The following NKIRAS2 variants were observed in gnomAD, a reference collection of about 807,000 sequenced individuals.
NKIRAS2 encodes the protein NF-kappa-B inhibitor-interacting Ras-like protein 2.
NKIRAS2 carries 15 observed loss-of-function variants against 20.7 expected under a neutral mutation model. The observed-to-expected ratio is 0.73, with a 90% CI of 0.49 to 1.12. NKIRAS2 has a LOEUF of 1.12. Among genes scored for constraint, NKIRAS2 ranks in the 50% most tolerant of loss-of-function variants. The pLI is 0.00. For missense variants in NKIRAS2, 196 were observed against 249.6 expected, an observed-to-expected ratio of 0.79 and a Z score of 1.45; for synonymous variants, 116 against 101.4, an observed-to-expected ratio of 1.14 and a Z score of -0.87.
At position 42,022,698 on chromosome 17, in the gene NKIRAS2, C is replaced by T. The variant is rs1335423632; in HGVS notation, c.336+58C>T. 3 of 1,563,416 alleles carry T rather than the reference C, an allele frequency of 1.9e-6. No homozygotes were observed. In the Admixed American group the frequency reaches 5.3e-5, roughly 27 times the overall value. On this transcript the variant is annotated intron_variant, in intron 3 of 3. Coordinates refer to ENST00000393885, the MANE Select transcript of NKIRAS2 (RefSeq NM_017595.6). The stretch of plus-strand genomic sequence containing the variant: ...GTGGTCAGAGAGTTTGGGCGGAGGG[C>T]TGGTTTGGGAAGCCTGGCATGGCTC...
rs2052511517 is a variant in NKIRAS2, at chr17:42,023,690, C to G, written c.373C>G (p.Gln125Glu). 1.9e-6 allele frequency: 3 copies of G among 1,614,208 alleles called. No individual in the cohort carries two copies. The highest frequency in any genetic ancestry group is 2.2e-5 in the South Asian group (2 of 91,086). ...IVVLGNKCDLQEQRRVDPDVA... is the reference protein window; with the variant it reads ...IVVLGNKCDLEEQRRVDPDVA... ...GGTCCTTGGCAACAAGTGTGACTTA[C>G]AGGAGCAGCGGCGTGTAGACCCAGA... Residue 125 changes from glutamine (Q) to glutamate (E), a missense_variant, in exon 4 of 4, where the codon CAG (glutamine) becomes GAG (glutamate). Coordinates refer to ENST00000393885, the MANE Select transcript of NKIRAS2 (RefSeq NM_017595.6).
At chr17:42,022,248 A>G in intron 2 of NKIRAS2, 151 bp from the exon 3 acceptor site, 1 of 777,168 alleles carries the variant, frequency 1.3e-6, no homozygotes, top group Non-Finnish European at 2.0e-6. Context: ...CCCTAAACCC[A>G]AATCATTTCA....
chr17:42,019,757 G>T (rs928096735), upstream of NKIRAS2, among the ~76,000 whole-genome samples: 1 of 152,208 alleles, frequency 6.6e-6, no homozygotes, highest in Admixed American at 6.5e-5. Context: ...TGTCTAACTC[G>T]TCCACTTTCT....
upstream of NKIRAS2, among the ~76,000 whole-genome samples, chr17:42,019,089 G>T (rs782128975): frequency 2.0e-5 from 3 of 152,036 alleles, no homozygotes; most frequent in African/African-American, 7.2e-5. Flanking sequence ...TTTCCATCCC[G>T]ATTCAGGCGC....
chr17:42,021,588 G>A lies in NKIRAS2; in HGVS notation c.11G>A (p.Ser4Asn). ...GGTTGAAAACTAAGCATGGGGAAGA[G>A]CTGCAAGGTGGTCGTGTGTGGCCAG... MGKSCKVVVCGQAS... is the reference protein window; with the variant it reads MGKNCKVVVCGQAS... Residue 4 changes from serine to asparagine, a missense_variant, in exon 2 of 4, where the codon AGC becomes AAC. Physicochemically the swap from Ser to Asn is conservative, Grantham distance 46. Transcript: ENST00000393885. 4 of 1,614,170 alleles carry A rather than the reference G, an allele frequency of 2.5e-6. No homozygotes were observed. Among genetic ancestry groups the A allele is most frequent in the Non-Finnish European group, 2.5e-6 (3 of 1,180,024 alleles).
rs2052553900 is a variant in NKIRAS2 at position 42,025,442 on chromosome 17, G to A, written c.*1549G>A. ...TTACCCACAACTGTGCCCGCTTTGTGCTTCTAAGGTGCACACCTAGCCTAG... is the reference window on the plus strand; with the variant it reads ...TTACCCACAACTGTGCCCGCTTTGTACTTCTAAGGTGCACACCTAGCCTAG... On this transcript the variant is annotated 3_prime_UTR_variant, in exon 4 of 4. Transcript: ENST00000393885. The A allele has an allele frequency of 6.6e-6, 1 of 152,524 alleles. No individual in the cohort carries two copies. The highest frequency in any genetic ancestry group is 1.5e-5 in the Non-Finnish European group (1 of 68,044). The allele number at this position is 152,524 out of a possible 1,614,324, so 9.4% of individuals were successfully genotyped here. A position where few individuals can be genotyped will look rare whatever the true frequency, so the allele number is the denominator to read the frequency against.
intron 3 of NKIRAS2, 76 bp from the exon 4 acceptor site, chr17:42,023,578 G>T: frequency 7.3e-7 from 1 of 1,372,756 alleles, no homozygotes. Context: ...AGAACTCCTA[G>T]GTGGTTGCCA....
upstream of NKIRAS2, among the ~76,000 whole-genome samples, chr17:42,017,942 G>A (rs11079029): frequency 0.77 from 116,452 of 151,902 alleles, 45,577 homozygotes; most frequent in East Asian, 0.86. Context: ...GCCCTGCCCA[G>A]TCAAGCCAGG....
Position 42,021,634 on chromosome 17 carries a change from A to G in NKIRAS2, c.57A>G (p.Ser19=). Residue 19 remains serine (S), a synonymous_variant, in exon 2 of 4, where the codon TCA becomes TCG. Coordinates refer to ENST00000393885, the MANE Select transcript of NKIRAS2 (RefSeq NM_017595.6). ...VCGQASVGKT[S]ILEQLLYGNH... is the part of the protein sequence containing the mutation. ...GCCAGGCGTCTGTGGGCAAAACTTC[A>G]ATCCTGGAGCAGCTTCTGTATGGGA... 6.2e-7 allele frequency: 1 copy of G among 1,614,132 alleles called. No individual in the cohort carries two copies. Among genetic ancestry groups the G allele is most frequent in the Non-Finnish European group, 8.5e-7 (1 of 1,180,002 alleles).
intron 3 of NKIRAS2, 47 bp from the exon 4 acceptor site, chr17:42,023,607 G>A (rs2052509070): frequency 6.4e-7 from 1 of 1,574,014 alleles, no homozygotes; most frequent in African/African-American, 1.3e-5. Flanking sequence ...GTCCATTCCT[G>A]GTTCTATGGT....
At position 42,023,944 on chromosome 17, in the gene NKIRAS2, C is replaced by T. The variant is rs371465267; in HGVS notation, c.*51C>T. 1.1e-5 allele frequency: 18 copies of T among 1,596,778 alleles called. No homozygotes were observed. In the African/African-American group the frequency reaches 2.0e-4, roughly 18 times the overall value. The stretch of plus-strand genomic sequence containing the variant: ...CCCAGCCCCATTTCAGTGTCTGGGG[C>T]TCTGGTAGATGTGTTGAGGGCAAAG... On this transcript the variant is annotated 3_prime_UTR_variant, in exon 4 of 4. Coordinates refer to ENST00000393885, the MANE Select transcript of NKIRAS2 (RefSeq NM_017595.6).
At position 42,022,500 on chromosome 17, in the gene NKIRAS2, C is replaced by T. The variant is rs150261846; in HGVS notation, c.196C>T (p.Arg66Ter). The change falls in exon 3 of 4, where the codon CGA becomes TGA. Residue 66 changes from arginine (R) to a stop codon, truncating the protein, a stop_gained. Coordinates refer to ENST00000393885, the MANE Select transcript of NKIRAS2 (RefSeq NM_017595.6). LOFTEE classifies it high-confidence loss of function. Reference protein sequence around the residue: ...QVRFYDTRGLRDGAELPRHCF... With the variant: ...QVRFYDTRGL ...GCGTTTCTATGACACCCGGGGGCTC[C>T]GAGATGGGGCCGAACTGCCCCGACA... The T allele has an allele frequency of 6.8e-6, 11 of 1,613,912 alleles. No individual in the cohort carries two copies. Among genetic ancestry groups the T allele is most frequent in the East Asian group, 4.5e-5 (2 of 44,894 alleles).
At position 42,024,240 on chromosome 17, in the gene NKIRAS2, T is replaced by A. The variant is rs2052525787; in HGVS notation, c.*347T>A. The A allele has an allele frequency of 3.2e-6, 1 of 310,804 alleles. No homozygotes were observed. Among genetic ancestry groups the A allele is most frequent in the African/African-American group, 2.1e-5 (1 of 46,560 alleles). The allele number at this position is 310,804 out of a possible 1,614,324, so 19.3% of individuals were successfully genotyped here. A position where few individuals can be genotyped will look rare whatever the true frequency, so the allele number is the denominator to read the frequency against. On this transcript the variant is annotated 3_prime_UTR_variant, in exon 4 of 4. Coordinates refer to ENST00000393885, the MANE Select transcript of NKIRAS2 (RefSeq NM_017595.6). ...TCCCTTCTTGGGTCTGAGTTCCTATTATAGGTAGGGGCCCCACCCTCTGGG... is the reference window on the plus strand; with the variant it reads ...TCCCTTCTTGGGTCTGAGTTCCTATAATAGGTAGGGGCCCCACCCTCTGGG...
rs1555653642 is a variant in NKIRAS2 at position 42,023,859 on chromosome 17, G to A, written c.542G>A (p.Arg181Gln). 6.2e-7 allele frequency: 1 copy of A among 1,614,118 alleles called. No homozygotes were observed. The change falls in exon 4 of 4, where the codon CGG becomes CAG. Residue 181 changes from arginine (R) to glutamine (Q), a missense_variant. Arg to Gln is a conservative substitution (Grantham distance 43). Coordinates refer to ENST00000393885, the MANE Select transcript of NKIRAS2 (RefSeq NM_017595.6). Reference protein sequence around the residue: ...PQSKSAFPLSRKNKGSGSLDG With the variant: ...PQSKSAFPLSQKNKGSGSLDG ...AGCAAGTCTGCCTTCCCCCTCAGCC[G>A]GAAGAACAAGGGCAGCGGCTCCTTG...
chr17:42,024,072 G>T lies in NKIRAS2; in HGVS notation c.*179G>T. 1.1e-6 allele frequency: 1 copy of T among 927,634 alleles called. No individual in the cohort carries two copies. Among genetic ancestry groups the T allele is most frequent in the Non-Finnish European group, 1.6e-6 (1 of 639,046 alleles). The allele number at this position is 927,634 out of a possible 1,614,324, so 57.5% of individuals were successfully genotyped here. ...CCTCTGGGAAGTGCAAATACTCTTG[G>T]TTGACATCCCCTTCCTCAGCCCTCC... On this transcript the variant is annotated 3_prime_UTR_variant, in exon 4 of 4. Coordinates refer to ENST00000393885, the MANE Select transcript of NKIRAS2 (RefSeq NM_017595.6).
rs782582057 is a variant in NKIRAS2, at chr17:42,023,923, G to T, written c.*30G>T. The T allele has an allele frequency of 1.9e-6, 3 of 1,609,030 alleles. No individual in the cohort carries two copies. The highest frequency in any genetic ancestry group is 2.5e-6 in the Non-Finnish European group (3 of 1,177,042). ...CTGCCGTTCCTCTTTCACGATCCCA[G>T]CCCCATTTCAGTGTCTGGGGCTCTG... On this transcript the variant is annotated 3_prime_UTR_variant, in exon 4 of 4. Transcript: ENST00000393885.
chr17:42,025,589 T>A lies in NKIRAS2; in HGVS notation c.*1696T>A, dbSNP rs2052557156. The A allele has an allele frequency of 6.6e-6, 1 of 152,514 alleles. No homozygotes were observed. The highest frequency in any genetic ancestry group is 2.4e-5 in the African/African-American group (1 of 41,418). The allele number at this position is 152,514 out of a possible 1,614,324, so 9.4% of individuals were successfully genotyped here. On this transcript the variant is annotated 3_prime_UTR_variant, in exon 4 of 4. Coordinates refer to ENST00000393885, the MANE Select transcript of NKIRAS2 (RefSeq NM_017595.6). ...ACACACACAGGCTTGGGCTTCAAGT[T>A]CATTTATTGATGCATTGGTTGGACA...
chr17:42,021,820 A>G (rs1446265343), intron 2 of NKIRAS2, 149 bp downstream of exon 2: 4 of 801,530 alleles, frequency 5.0e-6, no homozygotes, highest in African/African-American at 1.7e-5. Flanking sequence ...CAACTCTACA[A>G]CACTGAACAA....
upstream of NKIRAS2, chr17:42,017,687 C>T (rs930368193): frequency 5.3e-6 from 3 of 564,254 alleles, no homozygotes; most frequent in Non-Finnish European, 9.5e-6. Context: ...GTGGTAGCCT[C>T]TCTAGGGCTT....
Sources: gnomAD v4.1 joint callset for allele counts (sites outside exome capture counted in the v4.1 genomes callset) on GRCh38, gnomAD v4.1.1 for gene constraint, MANE v1.5 for transcripts, NCBI Gene and HGNC (gene_info 2026-07-23, HGNC 2026-07-21) for gene names.